ZNF420: variants seen among roughly 807,000 people sequenced by gnomAD.
ZNF420 encodes the protein zinc finger protein 420.
Under a neutral mutation model 44.7 loss-of-function variants are expected in ZNF420, and 31 were observed. The observed-to-expected ratio is 0.69, with a 90% CI of 0.52 to 0.94. The LOEUF is 0.94. ZNF420 is among the 40% of genes least tolerant of loss of function. ZNF420 has a pLI of 0.00. For synonymous variants in ZNF420, 245 were observed against 267.4 expected (o/e 0.92, Z 0.82); for missense variants, 681 against 827.9 (o/e 0.82, Z 2.18).
chr19:37,063,707 C>A (rs1967918763), intron 1 of ZNF420, among the ~76,000 whole-genome samples: 1 of 152,098 alleles, frequency 6.6e-6, no homozygotes, highest in Non-Finnish European at 1.5e-5. Flanking sequence ...CTTAAAGATC[C>A]CACAACATCC....
chr19:37,104,802 T>G (rs998813298), intron 4 of ZNF420, among the ~76,000 whole-genome samples: 60 of 152,228 alleles, frequency 3.9e-4, no homozygotes, highest in Non-Finnish European at 7.8e-4. Flanking sequence ...CATAAATGTC[T>G]TCTTTTGAGA....
At chr19:37,106,490 A>G (rs1427843022) in intron 4 of ZNF420, among the ~76,000 whole-genome samples, 1 of 152,128 alleles carries the variant, frequency 6.6e-6, no homozygotes, top group Non-Finnish European at 1.5e-5. Context: ...TGCCAAAACT[A>G]TTATTGTGAA....
At position 37,121,692 on chromosome 19, in the gene ZNF420, A is replaced by T. The variant is rs997625550; in HGVS notation, c.137-5436A>T. On this transcript the variant is annotated intron_variant, in intron 4 of 4. Transcript: ENST00000337995. ...CTACCATCAGAGTGAACAGGCAACC[A>T]ACAAAATGGTAGAAAATTTTCGCAA... is the stretch of plus-strand genomic sequence containing the variant. Among the ~76,000 whole-genome samples, 758 of 152,274 alleles carry T rather than the reference A, an allele frequency of 5.0e-3. 8 individuals carry two copies. The highest frequency in any genetic ancestry group is 0.017 in the African/African-American group (710 of 41,548).
At chr19:37,020,059 T>C (rs2074636167) in intron 1 of ZNF420, among the ~76,000 whole-genome samples, 1 of 151,442 alleles carries the variant, frequency 6.6e-6, no homozygotes, top group African/African-American at 2.4e-5. Flanking sequence ...CTACTAAAAA[T>C]ACAAAAAATG....
chr19:37,061,275 GGTAAAA>G (rs1967875492), intron 1 of ZNF420, among the ~76,000 whole-genome samples: 1 of 152,164 alleles, frequency 6.6e-6, no homozygotes, highest in Non-Finnish European at 1.5e-5. Flanking sequence ...ACCAGAAGGT[GGTAAAA>G]GTAAGAGAAG....
At chr19:37,113,101 GC>G (rs1456164298) in intron 4 of ZNF420, among the ~76,000 whole-genome samples, 1 of 152,188 alleles carries the variant, frequency 6.6e-6, no homozygotes, top group Admixed American at 6.5e-5. Flanking sequence ...CCAGTTTGTT[GC>G]GGGGCCTGAG....
chr19:37,064,533 T>C (rs1568434895), intron 1 of ZNF420, among the ~76,000 whole-genome samples: 1 of 152,206 alleles, frequency 6.6e-6, no homozygotes, highest in Admixed American at 6.5e-5. Flanking sequence ...CAATCATTTC[T>C]TCAAAGAACG....
At chr19:37,017,580 A>C (rs950830325) in intron 1 of ZNF420, among the ~76,000 whole-genome samples, 1 of 152,238 alleles carries the variant, frequency 6.6e-6, no homozygotes, top group Non-Finnish European at 1.5e-5. Context: ...GATTATCTCA[A>C]TTCACGCAAA....
chr19:37,059,165 G>A (rs1371916403), intron 1 of ZNF420, among the ~76,000 whole-genome samples: 1 of 152,176 alleles, frequency 6.6e-6, no homozygotes, highest in African/African-American at 2.4e-5. Context: ...ACTCAAGGAG[G>A]CCCTGAAGAC....
At chr19:37,070,749 A>G (rs1968045441) in intron 1 of ZNF420, among the ~76,000 whole-genome samples, 1 of 152,204 alleles carries the variant, frequency 6.6e-6, no homozygotes, top group African/African-American at 2.4e-5. Flanking sequence ...AATTCTGAGC[A>G]TTTCAAATGT....
In ZNF420 at chr19:37,127,696, C is replaced by T. The variant is rs1170822075; in HGVS notation, c.705C>T (p.Ser235=). The T allele has an allele frequency of 1.9e-6, 3 of 1,613,792 alleles. No homozygotes were observed. Among genetic ancestry groups the T allele is most frequent in the South Asian group, 2.2e-5 (2 of 91,062 alleles). The change falls in exon 5 of 5, where the codon AGC becomes AGT. Residue 235 remains serine (S), a synonymous_variant. Transcript: ENST00000337995. ...CEECGKAFIR[S]SQLTRHQKVH... ...AATGTGGGAAAGCCTTTATTCGTAG[C>T]TCACAACTTACCCGACATCAAAAAG...
chr19:37,125,482 T>C (rs915006849), intron 4 of ZNF420, among the ~76,000 whole-genome samples: 1 of 152,202 alleles, frequency 6.6e-6, no homozygotes, highest in Non-Finnish European at 1.5e-5. Context: ...ATCACTGGTT[T>C]CTAGGCATGT....
At chr19:37,017,162 A>G (rs2074614391) in intron 1 of ZNF420, among the ~76,000 whole-genome samples, 1 of 152,210 alleles carries the variant, frequency 6.6e-6, no homozygotes, top group African/African-American at 2.4e-5. Flanking sequence ...TGATGCAACT[A>G]ATGGAGAGGA....
intron 4 of ZNF420, among the ~76,000 whole-genome samples, chr19:37,097,849 C>T (rs4806407): frequency 0.49 from 74,641 of 152,026 alleles, 18,847 homozygotes; most frequent in Middle Eastern, 0.54. Flanking sequence ...AGATTGGCTT[C>T]GTTTTCCTAA....
In ZNF420 at chr19:37,128,952, G is replaced by A. The variant is rs866311251; in HGVS notation, c.1961G>A (p.Arg654His). The A allele has an allele frequency of 1.2e-5, 19 of 1,613,928 alleles. No individual in the cohort carries two copies. The African/African-American group carries it at 1.5e-4, about 12-fold the overall frequency. The part of the protein sequence containing the change: ...QCKECGKAFT[R>H]GSQLTQHQRI... ...AAGGAATGTGGGAAGGCCTTTACTC[G>A]TGGTTCACAGCTAACTCAACATCAG... The change falls in exon 5 of 5, where the codon CGT becomes CAT. Residue 654 changes from arginine (R) to histidine (H), a missense_variant. Coordinates refer to ENST00000337995, the MANE Select transcript of ZNF420 (RefSeq NM_144689.5).
intron 1 of ZNF420, among the ~76,000 whole-genome samples, chr19:37,037,532 CACAA>C (rs1395556662): frequency 1.3e-5 from 2 of 152,198 alleles, no homozygotes; most frequent in Non-Finnish European, 2.9e-5. Context: ...TTTGGCTGAG[CACAA>C]ACACACAGCC....
intron 1 of ZNF420, among the ~76,000 whole-genome samples, chr19:37,062,508 T>G (rs1967896129): frequency 6.6e-6 from 1 of 152,224 alleles, no homozygotes. Context: ...TTGTTAATTT[T>G]AGTTTTATGT....
intron 1 of ZNF420, among the ~76,000 whole-genome samples, chr19:37,027,439 T>A (rs1413654922): frequency 1.3e-5 from 2 of 152,202 alleles, no homozygotes; most frequent in Non-Finnish European, 1.5e-5. Context: ...ATTAAGTTCA[T>A]GGCTTATATT....
rs570388173 is a variant in ZNF420, at chr19:37,120,467, T to C, written c.137-6661T>C. On this transcript the variant is annotated intron_variant, in intron 4 of 4. Transcript: ENST00000337995. ...CTCAATAAATTAGGTATTGATGGGA[T>C]GTATCTCAAAATAATAAGAGCTATC... Among the ~76,000 whole-genome samples the C allele has an allele frequency of 3.4e-4, 51 of 152,156 alleles. 1 individual carries two copies. The East Asian group carries it at 7.9e-3, about 24-fold the overall frequency.
Sources: gnomAD v4.1 joint callset for allele counts (sites outside exome capture counted in the v4.1 genomes callset) on GRCh38, gnomAD v4.1.1 for gene constraint, MANE v1.5 for transcripts, NCBI Gene and HGNC (gene_info 2026-07-23, HGNC 2026-07-21) for gene names.